HNRNPR: variants seen among roughly 807,000 people sequenced by gnomAD.
HNRNPR encodes the protein heterogeneous nuclear ribonucleoprotein R.
HNRNPR carries 4 observed loss-of-function variants against 70.3 expected under a neutral mutation model. That is an observed-to-expected ratio of 0.06 (90% confidence interval 0.03 to 0.13). HNRNPR has a LOEUF of 0.13. Ranked by LOEUF, HNRNPR falls within the 10% of genes least tolerant of loss-of-function variation. HNRNPR has a pLI of 1.00. For missense variants in HNRNPR, 423 were observed against 788.5 expected (o/e 0.54, Z 5.55); for synonymous variants, 241 against 267.6 (o/e 0.90, Z 0.97).
chr1:23,327,657 T>G (rs1646044248), intron 5 of HNRNPR, among the ~76,000 whole-genome samples: 1 of 151,946 alleles, frequency 6.6e-6, no homozygotes, highest in Non-Finnish European at 1.5e-5. Context: ...GCCACTGCAC[T>G]CCAGCCTATG....
intron 4 of HNRNPR, among the ~76,000 whole-genome samples, chr1:23,334,381 C>T (rs551567536): frequency 6.6e-5 from 10 of 151,828 alleles, no homozygotes; most frequent in African/African-American, 2.2e-4. Flanking sequence ...GGACTACAGG[C>T]ACCCGCCACA....
rs536467835 is a variant in HNRNPR at position 23,335,048 on chromosome 1, G to A, written c.385-1417C>T. Among the ~76,000 whole-genome samples the A allele has an allele frequency of 2.6e-5, 4 of 152,142 alleles. No homozygotes were observed. In the South Asian group the frequency reaches 8.3e-4, roughly 32 times the overall value. ...TTCTCCTGCCTCAGCCTCCCAAGTAGCTGGGACTACAGGCGCCTGCCACCA... is the reference window on the plus strand; with the variant it reads ...TTCTCCTGCCTCAGCCTCCCAAGTAACTGGGACTACAGGCGCCTGCCACCA... On this transcript the variant is annotated intron_variant, in intron 4 of 10. Coordinates refer to ENST00000302271, the MANE Select transcript of HNRNPR (RefSeq NM_005826.5).
chr1:23,335,696 T>C (rs1646445150), intron 4 of HNRNPR, among the ~76,000 whole-genome samples: 1 of 152,194 alleles, frequency 6.6e-6, no homozygotes, highest in Admixed American at 6.5e-5. Flanking sequence ...CACCATCTAG[T>C]TGCAGGAAAA....
intron 5 of HNRNPR, among the ~76,000 whole-genome samples, chr1:23,331,834 T>TAAAAAAAAAAAAAAAA (rs59006948): frequency 1.0e-4 from 6 of 59,242 alleles, no homozygotes; most frequent in African/African-American, 2.8e-4. Flanking sequence ...ACTGTTTCTT[T>TAAAAAAAAAAAAAAAA]AAAAAAAAAA....
Position 23,344,279 on chromosome 1 carries a change from A to T in HNRNPR, c.-78T>A, listed in dbSNP as rs1458979637. 1 of 150,462 alleles carries T rather than the reference A, an allele frequency of 6.6e-6. No individual in the cohort carries two copies. Among genetic ancestry groups the T allele is most frequent in the East Asian group, 2.0e-4 (1 of 5,008 alleles). The allele number at this position is 150,462 out of a possible 1,614,324, so 9.3% of individuals were successfully genotyped here. Reference sequence around the variant, plus strand: ...GCGAGGCGCTTTGAAAACGACTAGAAATGGCGCGCGCGCCACCCCCTCCCC... The same window carrying T: ...GCGAGGCGCTTTGAAAACGACTAGATATGGCGCGCGCGCCACCCCCTCCCC... On this transcript the variant is annotated 5_prime_UTR_variant, in exon 1 of 11. Transcript: ENST00000302271.
chr1:23,338,625 A>T lies in HNRNPR; in HGVS notation c.158-17T>A. 3.0e-6 allele frequency: 4 copies of T among 1,333,520 alleles called. No homozygotes were observed. Among genetic ancestry groups the T allele is most frequent in the Non-Finnish European group, 4.2e-6 (4 of 941,358 alleles). 82.6% of individuals were successfully genotyped at this position (1,333,520 alleles called of 1,614,324 possible). A position where few individuals can be genotyped will look rare whatever the true frequency, so the allele number is the denominator to read the frequency against. The stretch of plus-strand genomic sequence containing the variant: ...CTACCAATCCTAAAAATTAAATTGA[A>T]AGGGGTAACGTTATTGCAACAAAAG... On this transcript the variant is annotated splice_polypyrimidine_tract_variant and intron_variant, in intron 2 of 10. Coordinates refer to ENST00000302271, the MANE Select transcript of HNRNPR (RefSeq NM_005826.5).
chr1:23,313,667 C>T lies in HNRNPR; in HGVS notation c.1053G>A (p.Thr351=), dbSNP rs757055306. ...ACTTTTCCAATATTTCTTCTGTCAC[C>T]GTAGTAGCCAAGTTTCTCACAAACA... ...KVLFVRNLAT[T]VTEEILEKSF... The change falls in exon 9 of 11, where the codon ACG becomes ACA. Residue 351 remains threonine, a synonymous_variant. Coordinates refer to ENST00000302271, the MANE Select transcript of HNRNPR (RefSeq NM_005826.5). The T allele has an allele frequency of 1.1e-5, 17 of 1,604,662 alleles. No homozygotes were observed. Among genetic ancestry groups the T allele is most frequent in the Middle Eastern group, 3.3e-4 (2 of 6,028 alleles).
intron 5 of HNRNPR, among the ~76,000 whole-genome samples, chr1:23,331,057 A>T (rs933907267): frequency 4.6e-5 from 7 of 152,208 alleles, no homozygotes; most frequent in Admixed American, 2.0e-4. Flanking sequence ...GAAACTTTCC[A>T]TTAGGACTTT....
chr1:23,327,110 C>G (rs977560300), intron 5 of HNRNPR, among the ~76,000 whole-genome samples: 2 of 152,182 alleles, frequency 1.3e-5, no homozygotes, highest in Non-Finnish European at 2.9e-5. Flanking sequence ...CTTCCATAAA[C>G]AGACATCTCA....
chr1:23,310,742 T>A lies in HNRNPR; in HGVS notation c.1614A>T (p.Pro538=). 1 of 1,613,860 alleles carries A rather than the reference T, an allele frequency of 6.2e-7. No individual in the cohort carries two copies. Among genetic ancestry groups the A allele is most frequent in the Non-Finnish European group, 8.5e-7 (1 of 1,179,882 alleles). The stretch of plus-strand genomic sequence containing the variant: ...CTCTGCCACCCCTAGAGCCTCTTGG[T>A]GGTCCCAAAGGTGCCCCCCTCTGTG... ...GYSQRGAPLG[P]PRGSRGGRGG... Residue 538 remains proline (P), a synonymous_variant, in exon 11 of 11, where the codon CCA becomes CCT. Transcript: ENST00000302271. This position sits in a 1 kb window ranked among gnomAD's most constrained non-coding sequence, Gnocchi z 6.0.
At chr1:23,320,514 AG>A (rs1645715135) in intron 7 of HNRNPR, among the ~76,000 whole-genome samples, 1 of 152,234 alleles carries the variant, frequency 6.6e-6, no homozygotes, top group Non-Finnish European at 1.5e-5. Flanking sequence ...AGGGCAGAAG[AG>A]GAAGACAGTG....
intron 6 of HNRNPR, among the ~76,000 whole-genome samples, chr1:23,322,646 A>C (rs561061214): frequency 6.6e-6 from 1 of 152,332 alleles, no homozygotes; most frequent in Non-Finnish European, 1.5e-5. Context: ...TTAATATTAA[A>C]TAAACAAGTT....
chr1:23,318,418 G>A lies in HNRNPR; in HGVS notation c.1017+65C>T. The A allele has an allele frequency of 7.6e-7, 1 of 1,309,766 alleles. No individual in the cohort carries two copies. The highest frequency in any genetic ancestry group is 2.3e-5 in the East Asian group (1 of 43,206). The allele number at this position is 1,309,766 out of a possible 1,614,324, so 81.1% of individuals were successfully genotyped here. A position where few individuals can be genotyped will look rare whatever the true frequency, so the allele number is the denominator to read the frequency against. The stretch of plus-strand genomic sequence containing the variant: ...ATTTATCATAAAACTCAAAATATTT[G>A]AGCTTTATTCTGAGTACAAAATTTA... On this transcript the variant is annotated intron_variant, in intron 8 of 10. Coordinates refer to ENST00000302271, the MANE Select transcript of HNRNPR (RefSeq NM_005826.5). The surrounding 1 kb of genome is among the most constrained non-coding windows in gnomAD (Gnocchi z 4.2).
At chr1:23,314,898 C>T (rs1453957505) in intron 8 of HNRNPR, among the ~76,000 whole-genome samples, 1 of 152,096 alleles carries the variant, frequency 6.6e-6, no homozygotes, top group Admixed American at 6.6e-5. Flanking sequence ...CCTTCCAGCA[C>T]TGTAAGAGCA....
At chr1:23,333,420 G>A (rs1646325461) in intron 5 of HNRNPR, 98 bp downstream of exon 5, 1 of 664,526 alleles carries the variant, frequency 1.5e-6, no homozygotes, top group South Asian at 1.9e-5. Flanking sequence ...CACTTTGAAA[G>A]GGATCAAGAA....
intron 8 of HNRNPR, among the ~76,000 whole-genome samples, chr1:23,314,056 T>A (rs1020406456): frequency 6.6e-6 from 1 of 151,726 alleles, no homozygotes; most frequent in African/African-American, 2.4e-5. Context: ...AAAGTTCATA[T>A]GAAAAAATAA....
chr1:23,310,887 T>C lies in HNRNPR; in HGVS notation c.1469A>G (p.Tyr490Cys). 1 of 1,614,110 alleles carries C rather than the reference T, an allele frequency of 6.2e-7. No homozygotes were observed. The highest frequency in any genetic ancestry group is 8.5e-7 in the Non-Finnish European group (1 of 1,180,000). The change falls in exon 11 of 11, where the codon TAC becomes TGC. Residue 490 changes from tyrosine to cysteine, a missense_variant. Tyr to Cys is a radical substitution (Grantham distance 194). Coordinates refer to ENST00000302271, the MANE Select transcript of HNRNPR (RefSeq NM_005826.5). The surrounding 1 kb of genome is among the most constrained non-coding windows in gnomAD (Gnocchi z 6.0). ...TGCATAGCCATCATCATAGCCGTAG[T>C]AGGGATCTTCATAGCCTCCACGATA... ...HDYRGGYEDP[Y>C]YGYDDGYAVR...
chr1:23,333,192 G>GA (rs1172718333), intron 5 of HNRNPR, among the ~76,000 whole-genome samples: 4 of 150,442 alleles, frequency 2.7e-5, no homozygotes, highest in Admixed American at 6.6e-5. Context: ...CAGGGGAGGG[G>GA]AAAAAAAAAG....
At position 23,308,773 on chromosome 1, in the gene HNRNPR, T is replaced by C. The variant is rs1258042873; in HGVS notation, c.*1681A>G. ...AATGAAAAGAAGCCATGAAACCCAA[T>C]ATGATCTAGCCAAGATTACACGGAA... On this transcript the variant is annotated 3_prime_UTR_variant, in exon 11 of 11. Transcript: ENST00000302271. 5 of 152,084 alleles carry C rather than the reference T, an allele frequency of 3.3e-5. No homozygotes were observed. The highest frequency in any genetic ancestry group is 1.2e-4 in the African/African-American group (5 of 41,452). 9.4% of individuals were successfully genotyped at this position (152,084 alleles called of 1,614,324 possible).
Sources: allele counts gnomAD v4.1 joint callset (sites outside exome capture counted in the v4.1 genomes callset), GRCh38; gene constraint gnomAD v4.1.1; non-coding constraint Gnocchi (gnomAD v3.1); transcripts MANE v1.5; gene names NCBI Gene and HGNC (gene_info 2026-07-23, HGNC 2026-07-21).